Variants in PELI2 observed in about 807,000 individuals in gnomAD.
PELI2 encodes pellino E3 ubiquitin protein ligase family member 2, also known as E3 ubiquitin-protein ligase pellino homolog 2.
A neutral mutation model predicts 42.3 loss-of-function variants in PELI2; 23 were observed. The observed-to-expected ratio is 0.54, with a 90% CI of 0.39 to 0.77. The LOEUF (loss-of-function observed/expected upper bound fraction) is 0.77. Among genes scored for constraint, PELI2 ranks in the 30% least tolerant of loss-of-function variants. The probability of loss-of-function intolerance (pLI) is 0.00; values close to 1 mark genes in which losing one functional copy is unlikely to be tolerated. For missense variants in PELI2, 463 were observed against 553.2 expected (o/e 0.84, Z 1.64); for synonymous variants, 245 against 212.2 (o/e 1.15, Z -1.34).
chr14:56,283,486 C>A (rs1027044788), intron 3 of PELI2, among the ~76,000 whole-genome samples: 3 of 152,174 alleles, frequency 2.0e-5, no homozygotes, highest in African/African-American at 7.2e-5. Flanking sequence ...AGGCAGTTAA[C>A]GTCTTTGTAT....
At chr14:56,214,270 G>A (rs1044627699) in intron 2 of PELI2, among the ~76,000 whole-genome samples, 2 of 152,168 alleles carry the variant, frequency 1.3e-5, no homozygotes, top group Non-Finnish European at 2.9e-5. Context: ...AGGTTGATGG[G>A]GGAGGGGAGA....
chr14:56,224,036 C>A (rs1209136690), intron 2 of PELI2, among the ~76,000 whole-genome samples: 1 of 152,114 alleles, frequency 6.6e-6, no homozygotes, highest in African/African-American at 2.4e-5. Context: ...ATAAATTCAT[C>A]TTATGTGAAA....
At chr14:56,187,617 C>T (rs1055002214) in intron 2 of PELI2, among the ~76,000 whole-genome samples, 36 of 152,252 alleles carry the variant, frequency 2.4e-4, no homozygotes, top group African/African-American at 6.7e-4. Flanking sequence ...TTGCTTTTCA[C>T]GTTAAAGTGC....
chr14:56,276,162 G>A (rs1428875805), intron 2 of PELI2, among the ~76,000 whole-genome samples: 1 of 152,154 alleles, frequency 6.6e-6, no homozygotes, highest in Non-Finnish European at 1.5e-5. Flanking sequence ...TTTTCCGTAA[G>A]ACATGACCCA....
intron 1 of PELI2, chr14:56,119,649 C>A: frequency 2.5e-6 from 1 of 393,894 alleles, no homozygotes; most frequent in Non-Finnish European, 3.5e-6. Flanking sequence ...CTTAATAAGC[C>A]AGGAGAGAGG....
intron 1 of PELI2, among the ~76,000 whole-genome samples, chr14:56,131,524 A>G (rs1156905888): frequency 1.3e-5 from 2 of 152,264 alleles, no homozygotes; most frequent in African/African-American, 4.8e-5. Flanking sequence ...ACTGCAGGGA[A>G]GTAATTCAAT....
At chr14:56,243,876 A>C (rs1888063566) in intron 2 of PELI2, among the ~76,000 whole-genome samples, 1 of 152,240 alleles carries the variant, frequency 6.6e-6, no homozygotes, top group East Asian at 1.9e-4. Context: ...TCACAGAAAA[A>C]GAAAAATTGT....
intron 1 of PELI2, chr14:56,120,010 C>T (rs1883004825): frequency 5.4e-6 from 1 of 185,788 alleles, no homozygotes; most frequent in South Asian, 1.8e-4. Flanking sequence ...CTTCCAGACA[C>T]CGCACAACTC....
chr14:56,190,630 T>G (rs549531217), intron 2 of PELI2, among the ~76,000 whole-genome samples: 1 of 152,350 alleles, frequency 6.6e-6, no homozygotes, highest in South Asian at 2.1e-4. Flanking sequence ...ATAGACTTTT[T>G]GTTGCTGACT....
At chr14:56,274,553 C>T (rs1381921388) in intron 2 of PELI2, among the ~76,000 whole-genome samples, 1 of 152,084 alleles carries the variant, frequency 6.6e-6, no homozygotes, top group Non-Finnish European at 1.5e-5. Flanking sequence ...AGTGCCTTTA[C>T]GTGTGTATAT....
chr14:56,184,760 A>G (rs1327217641), intron 2 of PELI2, among the ~76,000 whole-genome samples: 1 of 152,092 alleles, frequency 6.6e-6, no homozygotes, highest in Non-Finnish European at 1.5e-5. Flanking sequence ...AAATCTGTAT[A>G]TATTAAGACT....
At chr14:56,209,900 C>T (rs932130048) in intron 2 of PELI2, among the ~76,000 whole-genome samples, 5 of 152,128 alleles carry the variant, frequency 3.3e-5, no homozygotes, top group South Asian at 2.1e-4. Flanking sequence ...CAGGAACTAC[C>T]GGAAATCCTG....
chr14:56,143,318 A>G (rs1883986517), intron 1 of PELI2, among the ~76,000 whole-genome samples: 2 of 152,260 alleles, frequency 1.3e-5, no homozygotes. Flanking sequence ...CATACAAATG[A>G]TGATGAAATG....
intron 2 of PELI2, among the ~76,000 whole-genome samples, chr14:56,272,964 G>A (rs1353909796): frequency 6.6e-6 from 1 of 152,182 alleles, no homozygotes; most frequent in East Asian, 1.9e-4. Context: ...GTACCAGTAG[G>A]CCTTGTAAGC....
intron 2 of PELI2, among the ~76,000 whole-genome samples, chr14:56,183,138 G>A (rs171411): frequency 0.075 from 11,360 of 152,076 alleles, 777 homozygotes; most frequent in East Asian, 0.28. Flanking sequence ...TAATTAATTT[G>A]TTGAGTATTT....
Position 56,118,744 on chromosome 14 carries a change from C to A in PELI2, c.77+7C>A. ...GGGAGCTGGTGGTGCTCGGGTGAGTCCTGGGGTCCCTGGTCCCGGGCAGCG... is the reference window on the plus strand; with the variant it reads ...GGGAGCTGGTGGTGCTCGGGTGAGTACTGGGGTCCCTGGTCCCGGGCAGCG... On this transcript the variant is annotated splice_region_variant and intron_variant, in intron 1 of 5. Coordinates refer to ENST00000267460, the MANE Select transcript of PELI2 (RefSeq NM_021255.3). 6.7e-7 allele frequency: 1 copy of A among 1,488,216 alleles called. No homozygotes were observed. Among genetic ancestry groups the A allele is most frequent in the Non-Finnish European group, 9.0e-7 (1 of 1,111,724 alleles). The allele number at this position is 1,488,216 out of a possible 1,614,324, so 92.2% of individuals were successfully genotyped here.
At position 56,264,218 on chromosome 14, in the gene PELI2, T is replaced by C. The variant is rs182655247; in HGVS notation, c.208-15458T>C. ...ACAAGTGTTCTTTGCATGGTATATT[T>C]AGTGCTAAGTTTTTCTCACTTTTTC... On this transcript the variant is annotated intron_variant, in intron 2 of 5. Transcript: ENST00000267460. Among the ~76,000 whole-genome samples, 39 of 152,302 alleles carry C rather than the reference T, an allele frequency of 2.6e-4. No homozygotes were observed. In the East Asian group the frequency reaches 3.9e-3, roughly 15 times the overall value.
At chr14:56,223,232 AC>A (rs1279946310) in intron 2 of PELI2, among the ~76,000 whole-genome samples, 1 of 151,886 alleles carries the variant, frequency 6.6e-6, no homozygotes, top group Non-Finnish European at 1.5e-5. Flanking sequence ...CTTAACCGTA[AC>A]TCCCTCTCTG....
At chr14:56,153,715 A>G (rs551632691) in intron 1 of PELI2, among the ~76,000 whole-genome samples, 2 of 152,324 alleles carry the variant, frequency 1.3e-5, no homozygotes, top group Non-Finnish European at 2.9e-5. Flanking sequence ...AGGTACATAG[A>G]GTTTTTTTGT....
Sources: allele counts gnomAD v4.1 joint callset (sites outside exome capture counted in the v4.1 genomes callset), GRCh38; gene constraint gnomAD v4.1.1; transcripts MANE v1.5; gene names NCBI Gene and HGNC (gene_info 2026-07-23, HGNC 2026-07-21).